Variants in GRHPR observed in about 807,000 individuals in gnomAD.
The protein encoded by GRHPR is glyoxylate reductase/hydroxypyruvate reductase.
In GRHPR, 35 loss-of-function variants were observed where a neutral mutation model predicts 36.8. The ratio of observed to expected loss-of-function variants is 0.95; its 90% CI spans 0.73 to 1.26. The LOEUF (loss-of-function observed/expected upper bound fraction) is 1.26, where lower values mean the gene tolerates loss of function less well. Ranked by LOEUF, GRHPR falls within the 50% of genes most tolerant of loss-of-function variation. The pLI is 0.00. For missense variants in GRHPR, 380 were observed against 435.0 expected, an observed-to-expected ratio of 0.87 and a Z score of 1.12; for synonymous variants, 179 against 181.0, an observed-to-expected ratio of 0.99 and a Z score of 0.09.
rs564783067 is a variant in GRHPR at position 37,431,631 on chromosome 9, G to C, written c.735-377G>C. 2.6e-4 allele frequency: 74 copies of C among 279,252 alleles called. 2 individuals are homozygous for C. In the South Asian group the frequency reaches 2.8e-3, roughly 11 times the overall value. 17.3% of individuals were successfully genotyped at this position (279,252 alleles called of 1,614,324 possible). A position where few individuals can be genotyped will look rare whatever the true frequency, so the allele number is the denominator to read the frequency against. On this transcript the variant is annotated intron_variant, in intron 7 of 8. Coordinates refer to ENST00000318158, the MANE Select transcript of GRHPR (RefSeq NM_012203.2). ...GGGGTCAACCAGATCAGAAACACTT[G>C]GATGGGGCCTAACACAGATGCCCTT...
At chr9:37,437,040 C>A, downstream of GRHPR, 1 of 430,370 alleles carries the variant, frequency 2.3e-6, no homozygotes, top group African/African-American at 2.0e-5. Flanking sequence ...TATGGCTGGG[C>A]ATGGTGACGC....
chr9:37,436,346 GT>G (rs1457706193), intron 8 of GRHPR, among the ~76,000 whole-genome samples: 1 of 152,202 alleles, frequency 6.6e-6, no homozygotes, highest in Non-Finnish European at 1.5e-5. Context: ...CTCAGCTCAA[GT>G]TATCTGCCTG....
chr9:37,436,877 G>C lies in GRHPR; in HGVS notation c.*95G>C. 7.4e-7 allele frequency: 1 copy of C among 1,353,850 alleles called. No homozygotes were observed. The highest frequency in any genetic ancestry group is 1.1e-6 in the Non-Finnish European group (1 of 944,486). The allele number at this position is 1,353,850 out of a possible 1,614,324, so 83.9% of individuals were successfully genotyped here. A position where few individuals can be genotyped will look rare whatever the true frequency, so the allele number is the denominator to read the frequency against. On this transcript the variant is annotated 3_prime_UTR_variant, in exon 9 of 9. Coordinates refer to ENST00000318158, the MANE Select transcript of GRHPR (RefSeq NM_012203.2). ...TTTGGATCCACAGGCAGAGCCAAGG[G>C]AAGGTGTGATTCTCTGAGGAAAGAG...
chr9:37,429,719 C>T lies in GRHPR; in HGVS notation c.494-13C>T, dbSNP rs771057013. On this transcript the variant is annotated splice_polypyrimidine_tract_variant and intron_variant, in intron 5 of 8. Coordinates refer to ENST00000318158, the MANE Select transcript of GRHPR (RefSeq NM_012203.2). ...CGGGACTGGGAACGAGACATGGACT[C>T]TCCTTGCTCTAGGCCAGGCCATTGC... The T allele has an allele frequency of 6.4e-7, 1 of 1,573,746 alleles. No individual in the cohort carries two copies. The highest frequency in any genetic ancestry group is 1.7e-5 in the Admixed American group (1 of 59,962).
intron 4 of GRHPR, 164 bp from the exon 5 acceptor site, chr9:37,428,320 G>T: frequency 1.1e-4 from 69 of 606,060 alleles, no homozygotes; most frequent in East Asian, 1.5e-4. Context: ...AGTCGTTTCT[G>T]CTGCTCATCT....
At chr9:37,428,665 A>C in intron 5 of GRHPR, 93 bp downstream of exon 5, 2 of 839,588 alleles carry the variant, frequency 2.4e-6, no homozygotes, top group South Asian at 2.6e-5. Flanking sequence ...GAAGACCCAC[A>C]TGCTGTCAGG....
In GRHPR at chr9:37,434,350, C is replaced by T. The variant is rs557218174; in HGVS notation, c.865+2212C>T. Reference sequence around the variant, plus strand: ...GCCTGTGCCTTGGGGGAAGGGCCAGCGGCCCCTGTGGGGAACAATTCAAGC... The same window carrying T: ...GCCTGTGCCTTGGGGGAAGGGCCAGTGGCCCCTGTGGGGAACAATTCAAGC... On this transcript the variant is annotated intron_variant, in intron 8 of 8. Transcript: ENST00000318158. 14 of 477,020 alleles carry T rather than the reference C, an allele frequency of 2.9e-5. No homozygotes were observed. The South Asian group carries it at 4.1e-4, about 14-fold the overall frequency. The allele number at this position is 477,020 out of a possible 1,614,324, so 29.5% of individuals were successfully genotyped here.
At chr9:37,438,604 C>G (rs768924969), downstream of GRHPR, 1 of 152,278 alleles carries the variant, frequency 6.6e-6, no homozygotes, top group Admixed American at 6.5e-5. Context: ...AGGGCTGCAC[C>G]GCTCTGCCTG....
Position 37,436,765 on chromosome 9 carries a change from A to C in GRHPR, c.970A>C (p.Ser324Arg). 6.2e-7 allele frequency: 1 copy of C among 1,614,066 alleles called. No individual in the cohort carries two copies. The highest frequency in any genetic ancestry group is 8.5e-7 in the Non-Finnish European group (1 of 1,179,976). Reference sequence around the variant, plus strand: ...TGGCCTGAGAGGGGAGCCGATGCCTAGTGAACTCAAGCTGTAGCCAAACAG... The same window carrying C: ...TGGCCTGAGAGGGGAGCCGATGCCTCGTGAACTCAAGCTGTAGCCAAACAG... ...LAGLRGEPMPSELKL is the reference protein window; with the variant it reads ...LAGLRGEPMPRELKL The change falls in exon 9 of 9, where the codon AGT becomes CGT. Residue 324 changes from serine (S) to arginine (R), a missense_variant. By Grantham distance (110) the Ser-to-Arg change is moderately radical (BLOSUM62 -1). Transcript: ENST00000318158.
intron 8 of GRHPR, chr9:37,433,875 T>C (rs1298729518): frequency 1.3e-5 from 5 of 395,648 alleles, no homozygotes; most frequent in Non-Finnish European, 1.8e-5. Flanking sequence ...GATTCTGGAA[T>C]GGAAACCTAA....
intron 8 of GRHPR, 26 bp from the exon 9 acceptor site, chr9:37,436,635 C>T (rs1564305372): frequency 9.8e-6 from 15 of 1,525,154 alleles, no homozygotes; most frequent in Non-Finnish European, 1.3e-5. Flanking sequence ...TTCTTATCTC[C>T]CTCTCTCTCT....
intron 8 of GRHPR, among the ~76,000 whole-genome samples, chr9:37,435,588 G>A (rs1041215477): frequency 6.6e-6 from 1 of 152,140 alleles, no homozygotes; most frequent in South Asian, 2.1e-4. Context: ...AAGAAACTCT[G>A]TGAATTAAGT....
chr9:37,428,347 G>A, intron 4 of GRHPR, 137 bp from the exon 5 acceptor site: 3 of 724,212 alleles, frequency 4.1e-6, no homozygotes, highest in East Asian at 2.6e-5. Flanking sequence ...CCGAGTGGCA[G>A]TGCCTCATCC....
In GRHPR at chr9:37,424,859, A is replaced by C. The variant is rs1823001407; in HGVS notation, c.98A>C (p.Gln33Pro). ...LARAADCEVE[Q>P]WDSDEPIPAK... ...TTTCCCCGCAGCTGTGAGGTGGAGC[A>C]GTGGGACTCGGATGAGCCCATCCCT... The change falls in exon 2 of 9, where the codon CAG becomes CCG. Residue 33 changes from glutamine (Q) to proline (P), a missense_variant. Coordinates refer to ENST00000318158, the MANE Select transcript of GRHPR (RefSeq NM_012203.2). 6.2e-7 allele frequency: 1 copy of C among 1,613,408 alleles called. No homozygotes were observed. The highest frequency in any genetic ancestry group is 8.5e-7 in the Non-Finnish European group (1 of 1,179,854).
chr9:37,433,470 A>G (rs1823475904), intron 8 of GRHPR, among the ~76,000 whole-genome samples: 2 of 151,932 alleles, frequency 1.3e-5, no homozygotes, highest in African/African-American at 4.8e-5. Flanking sequence ...CTGACCTCAG[A>G]TGGTCCACCT....
chr9:37,433,077 T>C (rs1296711725), intron 8 of GRHPR, among the ~76,000 whole-genome samples: 1 of 152,162 alleles, frequency 6.6e-6, no homozygotes, highest in Non-Finnish European at 1.5e-5. Context: ...TTGCAGTTTT[T>C]CCAACACTTG....
Position 37,430,518 on chromosome 9 carries a change from C to T in GRHPR, c.606C>T (p.Thr202=). ...AGTCCTGCCCTCCCTCAGTGTCTAC[C>T]CCTGAGCTGGCTGCCCAATCTGATT... ...AAEFQAEFVS[T]PELAAQSDFI... Residue 202 remains threonine (T), a synonymous_variant, in exon 7 of 9, where the codon ACC becomes ACT. Coordinates refer to ENST00000318158, the MANE Select transcript of GRHPR (RefSeq NM_012203.2). 6.2e-7 allele frequency: 1 copy of T among 1,613,868 alleles called. No individual in the cohort carries two copies. The highest frequency in any genetic ancestry group is 8.5e-7 in the Non-Finnish European group (1 of 1,179,734).
chr9:37,427,527 T>C (rs537800936), intron 4 of GRHPR, among the ~76,000 whole-genome samples: 1 of 152,192 alleles, frequency 6.6e-6, no homozygotes, highest in East Asian at 1.9e-4. Context: ...GATCAGGGAT[T>C]TCGGCCTGTA....
chr9:37,427,015 T>TGA (rs1302633868), intron 4 of GRHPR, among the ~76,000 whole-genome samples: 3 of 151,928 alleles, frequency 2.0e-5, no homozygotes. Flanking sequence ...CACTGGATCC[T>TGA]GATCACTGTG....
Sources: gnomAD v4.1 joint callset for allele counts (sites outside exome capture counted in the v4.1 genomes callset) on GRCh38, gnomAD v4.1.1 for gene constraint, MANE v1.5 for transcripts, NCBI Gene and HGNC (gene_info 2026-07-23, HGNC 2026-07-21) for gene names.